Variants in NRP1 observed in about 807,000 individuals in gnomAD.
NRP1 encodes neuropilin 1.
A neutral mutation model predicts 106.7 loss-of-function variants in NRP1; 35 were observed. That is an observed-to-expected ratio of 0.33 (90% confidence interval 0.25 to 0.43). The LOEUF (loss-of-function observed/expected upper bound fraction) is 0.43. Among genes scored for constraint, NRP1 ranks in the 20% least tolerant of loss-of-function variants. NRP1 has a pLI of 1.00. For synonymous variants in NRP1, 437 were observed against 417.9 expected, an observed-to-expected ratio of 1.05 and a Z score of -0.56; for missense variants, 1,024 against 1,170.4, an observed-to-expected ratio of 0.87 and a Z score of 1.83.
At chr10:33,197,791 T>C (rs1236614525) in intron 11 of NRP1, 82 bp from the exon 12 acceptor site, 4 of 714,450 alleles carry the variant, frequency 5.6e-6, no homozygotes, top group Non-Finnish European at 9.5e-6. Context: ...TACAAATGTC[T>C]ATCAGAGGCA....
At chr10:33,297,995 C>A (rs915930454) in intron 2 of NRP1, among the ~76,000 whole-genome samples, 2 of 152,166 alleles carry the variant, frequency 1.3e-5, no homozygotes, top group African/African-American at 4.8e-5. Flanking sequence ...TACTCATCAA[C>A]TTCAGTTCAC....
At chr10:33,243,964 T>C (rs1564416669) in intron 6 of NRP1, among the ~76,000 whole-genome samples, 2 of 151,682 alleles carry the variant, frequency 1.3e-5, no homozygotes, top group East Asian at 1.9e-4. Flanking sequence ...TGTGTGTGTG[T>C]GCATGCATGC....
chr10:33,321,488 G>A (rs1847506881), intron 2 of NRP1, among the ~76,000 whole-genome samples: 1 of 152,166 alleles, frequency 6.6e-6, no homozygotes, highest in Non-Finnish European at 1.5e-5. Context: ...GACCAAGTCA[G>A]CCTTAGCTCC....
chr10:33,202,476 A>C, intron 11 of NRP1: 6 of 751,716 alleles, frequency 8.0e-6, no homozygotes, highest in Non-Finnish European at 1.2e-5. Flanking sequence ...TTTGTTGGAT[A>C]AAGGATCCAC....
At chr10:33,260,985 CAAAA>C (rs35665366) in intron 4 of NRP1, among the ~76,000 whole-genome samples, 2 of 60,066 alleles carry the variant, frequency 3.3e-5, no homozygotes, top group Admixed American at 2.2e-4. Flanking sequence ...TGCCATTGAC[CAAAA>C]AAAAAAAAAA....
intron 15 of NRP1, among the ~76,000 whole-genome samples, chr10:33,184,865 C>T (rs989271101): frequency 3.3e-5 from 5 of 152,120 alleles, no homozygotes; most frequent in African/African-American, 1.2e-4. Context: ...CTTAAATTGG[C>T]CCAATAGGCT....
intron 12 of NRP1, among the ~76,000 whole-genome samples, chr10:33,196,821 C>T (rs1415806446): frequency 1.3e-5 from 2 of 152,138 alleles, no homozygotes. Flanking sequence ...TTGATATACA[C>T]CACACGCCCC....
At chr10:33,286,040 G>A (rs1588921855) in intron 2 of NRP1, among the ~76,000 whole-genome samples, 1 of 152,186 alleles carries the variant, frequency 6.6e-6, no homozygotes, top group South Asian at 2.1e-4. Flanking sequence ...TTGATCCTAA[G>A]ACTGCATTTA....
At chr10:33,308,794 T>C (rs1271264948) in intron 2 of NRP1, among the ~76,000 whole-genome samples, 2 of 152,076 alleles carry the variant, frequency 1.3e-5, no homozygotes, top group Non-Finnish European at 2.9e-5. Flanking sequence ...TGGCCTCAAT[T>C]TTTTTAAAAA....
At chr10:33,255,312 CTT>C (rs1842123158) in intron 5 of NRP1, among the ~76,000 whole-genome samples, 1 of 152,148 alleles carries the variant, frequency 6.6e-6, no homozygotes, top group Non-Finnish European at 1.5e-5. Flanking sequence ...TCACTGGCCT[CTT>C]TATTTTCCAG....
chr10:33,265,486 G>C (rs960370916), intron 3 of NRP1, among the ~76,000 whole-genome samples: 1 of 152,246 alleles, frequency 6.6e-6, no homozygotes, highest in African/African-American at 2.4e-5. Flanking sequence ...GACATCAATA[G>C]AGATTAAAGT....
At chr10:33,256,662 C>T (rs1236057124) in intron 4 of NRP1, among the ~76,000 whole-genome samples, 191 bp from the exon 5 acceptor site, 1 of 152,218 alleles carries the variant, frequency 6.6e-6, no homozygotes, top group Admixed American at 6.5e-5. Flanking sequence ...TTAAAGTGTA[C>T]TCAGAAGGGC....
chr10:33,199,365 T>TTATATA lies in NRP1; in HGVS notation c.1865-1657_1865-1656insTATATA, dbSNP rs57582967. Reference sequence around the variant, plus strand: ...GTGTGCGCCACCATGCCTGGCTGTTTTCTATATATATATATATATATATAT... The same window carrying TTATATA: ...GTGTGCGCCACCATGCCTGGCTGTTTTATATATCTATATATATATATATATATATAT... On this transcript the variant is annotated intron_variant, in intron 11 of 16. Transcript: ENST00000374867. Among the ~76,000 whole-genome samples, 150 of 64,248 alleles carry TTATATA rather than the reference T, an allele frequency of 2.3e-3. 7 individuals are homozygous for TTATATA. Among genetic ancestry groups the TTATATA allele is most frequent in the African/African-American group, 3.6e-3 (70 of 19,436 alleles). 42.1% of individuals were successfully genotyped at this position (64,248 alleles called of 152,430 possible).
chr10:33,263,547 G>GT (rs907346184), intron 4 of NRP1, 99 bp downstream of exon 4: 414 of 831,672 alleles, frequency 5.0e-4, no homozygotes, highest in Non-Finnish European at 6.4e-4. Flanking sequence ...TCCTTTTGAG[G>GT]TTTTTTTTAA....
At chr10:33,280,338 T>G (rs534899004) in intron 2 of NRP1, among the ~76,000 whole-genome samples, 8 of 152,334 alleles carry the variant, frequency 5.3e-5, no homozygotes, top group African/African-American at 1.9e-4. Flanking sequence ...GTTCCAGAAG[T>G]GATGGAATCT....
intron 3 of NRP1, among the ~76,000 whole-genome samples, chr10:33,266,929 G>T (rs1478738193): frequency 3.9e-5 from 6 of 152,184 alleles, no homozygotes; most frequent in Admixed American, 3.3e-4. Flanking sequence ...CTACTTGGGA[G>T]GCTGAGGCAG....
intron 2 of NRP1, among the ~76,000 whole-genome samples, chr10:33,329,127 G>A (rs1199685519): frequency 6.6e-6 from 1 of 152,076 alleles, no homozygotes; most frequent in Non-Finnish European, 1.5e-5. Flanking sequence ...CCACCATAAA[G>A]AATATTAGCA....
rs553604294 is a variant in NRP1 at position 33,191,718 on chromosome 10, C to T, written c.2062+563G>A. Among the ~76,000 whole-genome samples the T allele has an allele frequency of 2.6e-5, 4 of 152,218 alleles. 1 individual carries two copies. In the South Asian group the frequency reaches 8.3e-4, roughly 32 times the overall value. On this transcript the variant is annotated intron_variant, in intron 13 of 16. Transcript: ENST00000374867. Reference sequence around the variant, plus strand: ...ATGAGGCTAGTTGCGGTGCCTCACACCTATAATCCCAGCACTTTGGGAAGC... The same window carrying T: ...ATGAGGCTAGTTGCGGTGCCTCACATCTATAATCCCAGCACTTTGGGAAGC...
At chr10:33,217,375 A>T (rs1194204830) in intron 8 of NRP1, among the ~76,000 whole-genome samples, 5 of 135,114 alleles carry the variant, frequency 3.7e-5, no homozygotes, top group Non-Finnish European at 8.1e-5. Context: ...TAGCTGCCTC[A>T]TTAAAAAAAA....
Sources: gnomAD v4.1 joint callset for allele counts (sites outside exome capture counted in the v4.1 genomes callset) on GRCh38, gnomAD v4.1.1 for gene constraint, MANE v1.5 for transcripts, NCBI Gene and HGNC (gene_info 2026-07-23, HGNC 2026-07-21) for gene names.